HDAC9: variants seen among roughly 807,000 people sequenced by gnomAD.
HDAC9 encodes the protein MEF-2 interacting transcription repressor (MITR) protein.
HDAC9 carries 41 observed loss-of-function variants against 139.4 expected under a neutral mutation model. The ratio of observed to expected loss-of-function variants is 0.29; its 90% CI spans 0.23 to 0.38. The LOEUF (loss-of-function observed/expected upper bound fraction) is 0.38, where lower values mean the gene tolerates loss of function less well. Among genes scored for constraint, HDAC9 ranks in the 10% least tolerant of loss-of-function variants. HDAC9 has a pLI of 1.00. For missense variants in HDAC9, 1,147 were observed against 1,297.0 expected (o/e 0.88, Z 1.78); for synonymous variants, 517 against 476.2 (o/e 1.09, Z -1.12).
At chr7:18,601,292 G>A (rs1454263666) in intron 6 of HDAC9, among the ~76,000 whole-genome samples, 1 of 152,146 alleles carries the variant, frequency 6.6e-6, no homozygotes, top group Non-Finnish European at 1.5e-5. Flanking sequence ...ATATAGGAAA[G>A]CAGCTGACTT....
intron 1 of HDAC9, among the ~76,000 whole-genome samples, chr7:18,407,731 T>G (rs1369152822): frequency 6.6e-6 from 1 of 152,116 alleles, no homozygotes; most frequent in Admixed American, 6.5e-5. Flanking sequence ...GGCAGAACTG[T>G]TTTTCATATG....
intron 1 of HDAC9, among the ~76,000 whole-genome samples, chr7:18,090,745 C>T (rs1330436878): frequency 7.2e-6 from 1 of 139,830 alleles, no homozygotes; most frequent in African/African-American, 3.0e-5. Flanking sequence ...CTCTCATCAG[C>T]TCTGCTTCTT....
chr7:18,307,744 A>G (rs1034817485), intron 1 of HDAC9, among the ~76,000 whole-genome samples: 2 of 152,180 alleles, frequency 1.3e-5, no homozygotes, highest in Non-Finnish European at 2.9e-5. Flanking sequence ...CAGAGGTTGC[A>G]GTGAGCCAAA....
At chr7:18,198,440 G>GA (rs1435709078) in intron 2 of HDAC9, among the ~76,000 whole-genome samples, 11 of 152,028 alleles carry the variant, frequency 7.2e-5, no homozygotes, top group Admixed American at 7.2e-4. Flanking sequence ...TTATGTAATT[G>GA]AAAACAAAGG....
At chr7:18,481,183 A>C (rs556692169) in intron 1 of HDAC9, among the ~76,000 whole-genome samples, 1 of 152,336 alleles carries the variant, frequency 6.6e-6, no homozygotes, top group South Asian at 2.1e-4. Flanking sequence ...TGTAAATATC[A>C]GTAATAATAA....
intron 1 of HDAC9, among the ~76,000 whole-genome samples, chr7:18,106,393 G>T (rs2128077700): frequency 6.6e-6 from 1 of 152,044 alleles, no homozygotes; most frequent in East Asian, 1.9e-4. Flanking sequence ...GCACTAGTCT[G>T]CTAATCTACA....
intron 1 of HDAC9, among the ~76,000 whole-genome samples, chr7:18,136,756 C>T (rs2128106175): frequency 6.6e-6 from 1 of 151,338 alleles, no homozygotes; most frequent in African/African-American, 2.4e-5. Context: ...CAGCTTTGTT[C>T]TTTTGGCTTA....
chr7:18,614,544 G>GT (rs1838069467), intron 6 of HDAC9, among the ~76,000 whole-genome samples: 1 of 152,058 alleles, frequency 6.6e-6, no homozygotes, highest in Non-Finnish European at 1.5e-5. Flanking sequence ...GTTGCACAGA[G>GT]TAAGTGCTTG....
At chr7:18,621,920 A>C (rs1277446045) in intron 6 of HDAC9, among the ~76,000 whole-genome samples, 5 of 152,214 alleles carry the variant, frequency 3.3e-5, no homozygotes, top group African/African-American at 4.8e-5. Context: ...TGTAGTGATT[A>C]CTGATTTGAA....
intron 9 of HDAC9, among the ~76,000 whole-genome samples, chr7:18,646,202 A>G (rs1481626284): frequency 2.0e-5 from 3 of 152,112 alleles, no homozygotes; most frequent in Non-Finnish European, 2.9e-5. Flanking sequence ...AAAACTTCTT[A>G]TGACACATGA....
chr7:18,313,607 A>G (rs1274448013), intron 1 of HDAC9, among the ~76,000 whole-genome samples: 3 of 152,166 alleles, frequency 2.0e-5, no homozygotes, highest in Middle Eastern at 3.2e-3. Flanking sequence ...GAATATTTGG[A>G]TTTTAATATA....
chr7:18,340,915 G>A (rs886375148), intron 1 of HDAC9, among the ~76,000 whole-genome samples: 5 of 151,494 alleles, frequency 3.3e-5, no homozygotes, highest in South Asian at 4.2e-4. Flanking sequence ...TGCTGGTGAT[G>A]AATTCTTTCA....
chr7:18,651,181 G>T (rs1789139887), intron 11 of HDAC9, among the ~76,000 whole-genome samples: 1 of 152,010 alleles, frequency 6.6e-6, no homozygotes, highest in African/African-American at 2.4e-5. Context: ...ATAATATATT[G>T]CTGTATACTT....
At chr7:18,201,627 C>G (rs931258677) in intron 2 of HDAC9, among the ~76,000 whole-genome samples, 1 of 152,192 alleles carries the variant, frequency 6.6e-6, no homozygotes, top group Non-Finnish European at 1.5e-5. Context: ...GGGCCTCTTT[C>G]TCAAGTCTGG....
chr7:18,591,323 C>G (rs1830876852), intron 4 of HDAC9, among the ~76,000 whole-genome samples, 193 bp from the exon 5 acceptor site: 1 of 152,096 alleles, frequency 6.6e-6, no homozygotes. Context: ...CATTACTGTA[C>G]TATTTTCTAA....
intron 16 of HDAC9, among the ~76,000 whole-genome samples, chr7:18,786,405 T>A (rs921145246): frequency 2.0e-5 from 3 of 151,334 alleles, no homozygotes; most frequent in Non-Finnish European, 4.4e-5. Flanking sequence ...ATGCCTAATG[T>A]GAATAGTACC....
intron 22 of HDAC9, among the ~76,000 whole-genome samples, chr7:18,915,912 C>T (rs562250683): frequency 2.9e-4 from 43 of 150,846 alleles, no homozygotes; most frequent in African/African-American, 1.0e-3. Flanking sequence ...GCAGAGTTCC[C>T]GTAGACTTCA....
chr7:18,743,055 C>A (rs1413155609), intron 13 of HDAC9, among the ~76,000 whole-genome samples: 5 of 151,960 alleles, frequency 3.3e-5, no homozygotes, highest in African/African-American at 1.2e-4. Context: ...TCATAATATC[C>A]GTAGTATATT....
intron 2 of HDAC9, among the ~76,000 whole-genome samples, chr7:18,579,474 A>G (rs1827092720): frequency 6.6e-6 from 1 of 152,220 alleles, no homozygotes; most frequent in African/African-American, 2.4e-5. Context: ...AAACTCTCAC[A>G]GGTTTCCATG....
Sources: gnomAD v4.1 joint callset for allele counts (sites outside exome capture counted in the v4.1 genomes callset) on GRCh38, gnomAD v4.1.1 for gene constraint, MANE v1.5 for transcripts, NCBI Gene and HGNC (gene_info 2026-07-23, HGNC 2026-07-21) for gene names.